The following KLF13 variants were observed in gnomAD, a reference collection of about 807,000 sequenced individuals.
KLF13 encodes KLF transcription factor 13.
A neutral mutation model predicts 16.7 loss-of-function variants in KLF13; 8 were observed. The observed-to-expected ratio is 0.48, with a 90% CI of 0.28 to 0.87. The LOEUF (loss-of-function observed/expected upper bound fraction) is 0.87. Among genes scored for constraint, KLF13 ranks in the 40% least tolerant of loss-of-function variants. The pLI is 0.10. For synonymous variants in KLF13, 245 were observed against 208.4 expected (o/e 1.18, Z -1.51); for missense variants, 447 against 452.2 (o/e 0.99, Z 0.10).
chr15:31,408,782 G>A (rs8041303), downstream of KLF13, among the ~76,000 whole-genome samples: 16,136 of 151,990 alleles, frequency 0.11, 2,978 homozygotes, highest in African/African-American at 0.37. Flanking sequence ...AGGAAAAGCC[G>A]GTAACATACA....
At position 31,327,801 on chromosome 15, in the gene KLF13, G is replaced by A. The variant is rs1262495718; in HGVS notation, c.577+12G>A. The A allele has an allele frequency of 2.0e-6, 3 of 1,467,236 alleles. No homozygotes were observed. The highest frequency in any genetic ancestry group is 2.7e-6 in the Non-Finnish European group (3 of 1,098,376). The allele number at this position is 1,467,236 out of a possible 1,614,324, so 90.9% of individuals were successfully genotyped here. On this transcript the variant is annotated intron_variant, in intron 1 of 1. Coordinates refer to ENST00000307145, the MANE Select transcript of KLF13 (RefSeq NM_015995.4). The stretch of plus-strand genomic sequence containing the variant: ...GAGAACTCACACAGGTCAGTGGGGC[G>A]GCGCGGGCGCCCGGATCGCGCGGAC...
At position 31,372,966 on chromosome 15, in the gene KLF13, C is replaced by T; in HGVS notation, c.*667C>T. ...GGGGCCTTCAGCCCTCTGCACCCTG[C>T]CTGCCTCACACCCCGCCTTCAGGAG... On this transcript the variant is annotated 3_prime_UTR_variant, in exon 2 of 2. Coordinates refer to ENST00000307145, the MANE Select transcript of KLF13 (RefSeq NM_015995.4). 1 of 152,790 alleles carries T rather than the reference C, an allele frequency of 6.5e-6. No individual in the cohort carries two copies. The highest frequency in any genetic ancestry group is 1.5e-5 in the Non-Finnish European group (1 of 68,402). 9.5% of individuals were successfully genotyped at this position (152,790 alleles called of 1,614,324 possible). A position where few individuals can be genotyped will look rare whatever the true frequency, so the allele number is the denominator to read the frequency against.
At chr15:31,380,886 G>A (rs1049021903), downstream of KLF13, among the ~76,000 whole-genome samples, 18 of 152,198 alleles carry the variant, frequency 1.2e-4, no homozygotes, top group Admixed American at 1.0e-3. Flanking sequence ...TTAATTGCCA[G>A]TTGCTGGCTG....
downstream of KLF13, among the ~76,000 whole-genome samples, chr15:31,406,178 G>T (rs1244682927): frequency 6.6e-6 from 1 of 152,188 alleles, no homozygotes; most frequent in Non-Finnish European, 1.5e-5. Flanking sequence ...TCAATCCAGG[G>T]TGTCAAAATG....
chr15:31,431,754 G>T (rs963933819), intron 1 of KLF13, among the ~76,000 whole-genome samples: 1 of 152,204 alleles, frequency 6.6e-6, no homozygotes, highest in Non-Finnish European at 1.5e-5. Context: ...GTGAGCCACC[G>T]CGCCCAGCCT....
chr15:31,412,754 T>C (rs904750359), intron 1 of KLF13, among the ~76,000 whole-genome samples: 7 of 152,198 alleles, frequency 4.6e-5, no homozygotes, highest in Admixed American at 1.3e-4. Context: ...TTCCAATCTC[T>C]TCTCATTGGA....
At chr15:31,356,187 C>T (rs1446797972) in intron 1 of KLF13, among the ~76,000 whole-genome samples, 4 of 152,202 alleles carry the variant, frequency 2.6e-5, no homozygotes, top group Admixed American at 1.3e-4. Context: ...CCTCCCTCCC[C>T]GCTCAAGTAG....
rs552473689 is a variant in KLF13 at position 31,370,483 on chromosome 15, A to G, written c.578-1527A>G. 1.1e-3 allele frequency among the ~76,000 whole-genome samples: 173 copies of G among 151,560 alleles called. 1 individual carries two copies. The highest frequency in any genetic ancestry group is 2.0e-3 in the Non-Finnish European group (139 of 67,932). On this transcript the variant is annotated intron_variant, in intron 1 of 1. Transcript: ENST00000307145. ...GCCCAGGCTGGAGTGCAGTGACACA[A>G]TCTTGACTCACTGCAACCTCCACCT...
At chr15:31,340,372 C>G (rs2039001097) in intron 1 of KLF13, among the ~76,000 whole-genome samples, 1 of 152,260 alleles carries the variant, frequency 6.6e-6, no homozygotes, top group Non-Finnish European at 1.5e-5. Context: ...CACCCCAAGC[C>G]TCCTGGCCTT....
chr15:31,378,691 A>C (rs755498716), downstream of KLF13, among the ~76,000 whole-genome samples: 1 of 151,978 alleles, frequency 6.6e-6, no homozygotes, highest in Non-Finnish European at 1.5e-5. Context: ...CTGTTCATAC[A>C]TGACTACCTG....
chr15:31,389,105 T>C (rs6493635), upstream of KLF13, among the ~76,000 whole-genome samples: 142,475 of 152,224 alleles, frequency 0.94, 66,822 homozygotes, highest in East Asian at 1. Flanking sequence ...GACAGCAAGA[T>C]CAGCTTCTCC....
intron 1 of KLF13, among the ~76,000 whole-genome samples, chr15:31,428,757 C>T (rs145453259): frequency 0.011 from 1,380 of 128,562 alleles, 11 homozygotes; most frequent in Non-Finnish European, 0.016. Context: ...GAGCCGAGAT[C>T]GCGCCACTGC....
intron 1 of KLF13, among the ~76,000 whole-genome samples, chr15:31,349,492 T>G (rs1477160043): frequency 6.6e-6 from 1 of 152,226 alleles, no homozygotes; most frequent in Admixed American, 6.5e-5. Flanking sequence ...TGCCTCGTTC[T>G]GCACTGACCC....
At chr15:31,405,308 C>T (rs112130324), downstream of KLF13, among the ~76,000 whole-genome samples, 562 of 152,202 alleles carry the variant, frequency 3.7e-3, 1 homozygote, top group Non-Finnish European at 6.2e-3. Context: ...AACGAGACTC[C>T]GTCTCAAAAA....
At chr15:31,370,310 C>A (rs2140965417) in intron 1 of KLF13, among the ~76,000 whole-genome samples, 1 of 152,166 alleles carries the variant, frequency 6.6e-6, no homozygotes, top group Admixed American at 6.5e-5. Context: ...TTTTCCAGAA[C>A]TGTTTTTTGG....
chr15:31,412,096 G>C (rs1473430037), intron 1 of KLF13, among the ~76,000 whole-genome samples: 1 of 152,196 alleles, frequency 6.6e-6, no homozygotes, highest in Non-Finnish European at 1.5e-5. Context: ...GAGGGGATTA[G>C]GTCATGAAGC....
chr15:31,411,062 G>A (rs1434332914), intron 1 of KLF13, among the ~76,000 whole-genome samples: 1 of 152,180 alleles, frequency 6.6e-6, no homozygotes, highest in Non-Finnish European at 1.5e-5. Context: ...ATGCCCAGAA[G>A]TGTTTGCAGG....
intron 1 of KLF13, among the ~76,000 whole-genome samples, chr15:31,418,568 T>C (rs191540954): frequency 1.3e-5 from 2 of 152,098 alleles, no homozygotes; most frequent in Admixed American, 1.3e-4. Flanking sequence ...CCACAAATAA[T>C]AATATGAAAA....
intron 1 of KLF13, among the ~76,000 whole-genome samples, chr15:31,348,580 G>A (rs2039164474): frequency 6.6e-6 from 1 of 152,124 alleles, no homozygotes; most frequent in Non-Finnish European, 1.5e-5. Context: ...TGACCCTGCA[G>A]TCACGGCAGC....
Sources: gnomAD v4.1 joint callset for allele counts (sites outside exome capture counted in the v4.1 genomes callset) on GRCh38, gnomAD v4.1.1 for gene constraint, MANE v1.5 for transcripts, NCBI Gene and HGNC (gene_info 2026-07-23, HGNC 2026-07-21) for gene names.